The following UNC93B1 variants were observed in gnomAD, a reference collection of about 807,000 sequenced individuals.
UNC93B1 encodes protein unc-93 homolog B1.
Under a neutral mutation model 56.8 loss-of-function variants are expected in UNC93B1, and 33 were observed. That is an observed-to-expected ratio of 0.58 (90% CI 0.44 to 0.78). UNC93B1 has a LOEUF of 0.78. UNC93B1 is among the 30% of genes least tolerant of loss of function. The pLI is 0.00. For synonymous variants in UNC93B1, 334 were observed against 358.6 expected (o/e 0.93, Z 0.77); for missense variants, 673 against 819.5 (o/e 0.82, Z 2.18).
Position 67,991,297 on chromosome 11 carries a change from G to C in UNC93B1, c.*249C>G, listed in dbSNP as rs546017482. 108 of 403,000 alleles carry C rather than the reference G, an allele frequency of 2.7e-4. 1 individual carries two copies. Among genetic ancestry groups the C allele is most frequent in the African/African-American group, 2.2e-3 (106 of 47,974 alleles). 25.0% of individuals were successfully genotyped at this position (403,000 alleles called of 1,614,324 possible). On this transcript the variant is annotated 3_prime_UTR_variant, in exon 11 of 11. Coordinates refer to ENST00000227471, the MANE Select transcript of UNC93B1 (RefSeq NM_030930.4). ...GCGCTGGGGCGCGTGCTAAGGGCCC[G>C]CGGGGTTTCAGCTGTATTTTCGAAC... is the stretch of plus-strand genomic sequence containing the variant.
In UNC93B1 at chr11:67,995,643, A is replaced by G; in HGVS notation, c.1331T>C (p.Val444Ala). The change falls in exon 9 of 11, where the codon GTG becomes GCG. Residue 444 changes from valine to alanine, a missense_variant. Physicochemically the swap from Val to Ala is moderately conservative, Grantham distance 64 (BLOSUM62 0). This residue lies in a region of UNC93B1 where 155 missense variants were observed against 268.3 expected (regional missense o/e 0.58). Coordinates refer to ENST00000227471, the MANE Select transcript of UNC93B1 (RefSeq NM_030930.4). ...TCCAGTCTTGTTCAGGGCACTGCCCACACCCCAAAGGGCAGCTGCCACATA... is the reference window on the plus strand; with the variant it reads ...TCCAGTCTTGTTCAGGGCACTGCCCGCACCCCAAAGGGCAGCTGCCACATA... ...ILYVAAALWG[V>A]GSALNKTGLS... 7.8e-7 allele frequency: 1 copy of G among 1,284,618 alleles called. No homozygotes were observed. The highest frequency in any genetic ancestry group is 1.7e-5 in the African/African-American group (1 of 57,466). 79.6% of individuals were successfully genotyped at this position (1,284,618 alleles called of 1,614,324 possible). A position where few individuals can be genotyped will look rare whatever the true frequency, so the allele number is the denominator to read the frequency against.
intron 3 of UNC93B1, 99 bp from the exon 4 acceptor site, chr11:67,999,779 T>A: frequency 6.8e-7 from 1 of 1,461,224 alleles, no homozygotes; most frequent in Admixed American, 2.2e-5. Flanking sequence ...CTCACAGGGC[T>A]TTGTGAGGTA....
In UNC93B1 at chr11:68,003,561, A is replaced by G; in HGVS notation, c.238+96T>C. The G allele has an allele frequency of 7.1e-7, 1 of 1,409,722 alleles. No individual in the cohort carries two copies. Among genetic ancestry groups the G allele is most frequent in the Non-Finnish European group, 9.3e-7 (1 of 1,074,828 alleles). The allele number at this position is 1,409,722 out of a possible 1,614,324, so 87.3% of individuals were successfully genotyped here. The stretch of plus-strand genomic sequence containing the variant: ...GCAGCTGCGAGGGCAGCGGAGGGGA[A>G]GTGAGAGCGGGCGGGAGGCGGCGGC... On this transcript the variant is annotated intron_variant, in intron 2 of 10. Transcript: ENST00000227471. The surrounding 1 kb of genome is among the most constrained non-coding windows in gnomAD (Gnocchi z 4.4).
At chr11:67,997,987 C>A (rs1856979251) in intron 6 of UNC93B1, among the ~76,000 whole-genome samples, 188 bp from the exon 7 acceptor site, 1 of 152,228 alleles carries the variant, frequency 6.6e-6, no homozygotes, top group South Asian at 2.1e-4. Context: ...ACCACTGGGG[C>A]TGGGTGTTCC....
chr11:68,002,001 G>A (rs183843492), intron 3 of UNC93B1, among the ~76,000 whole-genome samples: 112 of 151,784 alleles, frequency 7.4e-4, no homozygotes, highest in African/African-American at 2.5e-3. Context: ...AAAATTAACC[G>A]GGTGGCAGGC....
chr11:67,997,735 G>C lies in UNC93B1; in HGVS notation c.846C>G (p.Ser282Arg). 1 of 1,609,758 alleles carries C rather than the reference G, an allele frequency of 6.2e-7. No homozygotes were observed. Among genetic ancestry groups the C allele is most frequent in the Non-Finnish European group, 8.5e-7 (1 of 1,179,872 alleles). ...CGCTCTCCACCACAATGAGGTTTCC[G>C]CTCCGCGGGAGCGTCCGCAGAACCG... ...NKTVLRTLPR[S>R]GNLIVVESVL... is the part of the protein sequence containing the mutation. Residue 282 changes from serine (S) to arginine (R), a missense_variant, in exon 7 of 11, where the codon AGC (serine) becomes AGG (arginine). Ser to Arg is a moderately radical substitution (Grantham distance 110). Transcript: ENST00000227471.
chr11:68,001,661 T>G (rs1266909431), intron 3 of UNC93B1, among the ~76,000 whole-genome samples: 1 of 147,344 alleles, frequency 6.8e-6, no homozygotes, highest in Non-Finnish European at 1.5e-5. Context: ...TCTCAAATAA[T>G]AATAATAATA....
At position 67,991,622 on chromosome 11, in the gene UNC93B1, G is replaced by C; in HGVS notation, c.1718C>G (p.Pro573Arg). Reference sequence around the variant, plus strand: ...CCGGCGGCCGAGTCCAGCGGGCTCGGGGCCAGGCCTGGGCCCTGCGGGCGG... The same window carrying C: ...CCGGCGGCCGAGTCCAGCGGGCTCGCGGCCAGGCCTGGGCCCTGCGGGCGG... ...EAPPAGPRPG[P>R]EPAGLGRRPC... The change falls in exon 11 of 11, where the codon CCC becomes CGC. Residue 573 changes from proline to arginine, a missense_variant. By Grantham distance (103) the Pro-to-Arg change is moderately radical. Transcript: ENST00000227471. The C allele has an allele frequency of 6.6e-7, 1 of 1,504,488 alleles. No homozygotes were observed. The highest frequency in any genetic ancestry group is 8.8e-7 in the Non-Finnish European group (1 of 1,135,418). The allele number at this position is 1,504,488 out of a possible 1,614,324, so 93.2% of individuals were successfully genotyped here. A position where few individuals can be genotyped will look rare whatever the true frequency, so the allele number is the denominator to read the frequency against.
chr11:67,996,464 G>A, intron 8 of UNC93B1, 138 bp downstream of exon 8: 1 of 1,231,160 alleles, frequency 8.1e-7, no homozygotes, highest in Non-Finnish European at 1.1e-6. Flanking sequence ...AGAGGGAAGA[G>A]AAAGCAGGAG....
In UNC93B1 at chr11:67,998,360, G is replaced by A. The variant is rs981385444; in HGVS notation, c.780C>T (p.Cys260=). ...CCCCAACCCCCAACAAGGACTAACC[G>A]CAGCTCTGCACATTGTACAGCGTGT... ...LNHTLYNVQS[C]GTNSHGILSG... Residue 260 remains cysteine, a splice_region_variant and synonymous_variant, in exon 6 of 11, where the codon TGC becomes TGT. Coordinates refer to ENST00000227471, the MANE Select transcript of UNC93B1 (RefSeq NM_030930.4). 3.7e-6 allele frequency: 6 copies of A among 1,613,918 alleles called. No individual in the cohort carries two copies. The highest frequency in any genetic ancestry group is 4.2e-6 in the Non-Finnish European group (5 of 1,179,844).
intron 4 of UNC93B1, 29 bp downstream of exon 4, chr11:67,999,490 C>T (rs1334668184): frequency 1.9e-6 from 3 of 1,542,414 alleles, no homozygotes; most frequent in Non-Finnish European, 1.8e-6. Flanking sequence ...AGGTCTCCAG[C>T]CTCCTGCCCT....
Position 68,003,348 on chromosome 11 carries a change from C to G in UNC93B1, c.239-173G>C, listed in dbSNP as rs1857078116. The G allele has an allele frequency of 5.3e-6, 5 of 951,732 alleles. No homozygotes were observed. The South Asian group carries it at 7.4e-5, about 14-fold the overall frequency. The allele number at this position is 951,732 out of a possible 1,614,324, so 59.0% of individuals were successfully genotyped here. Reference sequence around the variant, plus strand: ...CTGCGCCACGCCTTCTGCCAGCCCGCGGCCACTTGGCCAGCTAAGCCCAGA... The same window carrying G: ...CTGCGCCACGCCTTCTGCCAGCCCGGGGCCACTTGGCCAGCTAAGCCCAGA... On this transcript the variant is annotated intron_variant, in intron 2 of 10. Coordinates refer to ENST00000227471, the MANE Select transcript of UNC93B1 (RefSeq NM_030930.4). The surrounding 1 kb of genome is among the most constrained non-coding windows in gnomAD (Gnocchi z 4.4).
Position 68,003,941 on chromosome 11 carries a change from C to A in UNC93B1, c.96+7G>T. On this transcript the variant is annotated splice_region_variant and intron_variant, in intron 1 of 10. Coordinates refer to ENST00000227471, the MANE Select transcript of UNC93B1 (RefSeq NM_030930.4). This position sits in a 1 kb window ranked among gnomAD's most constrained non-coding sequence, Gnocchi z 4.4. The stretch of plus-strand genomic sequence containing the variant: ...GCCCGCGCCTCGCACTCCGGGTCCC[C>A]GCTCACCGGGGCCTCGGGCCCGTCC... 7.3e-7 allele frequency: 1 copy of A among 1,378,820 alleles called. No individual in the cohort carries two copies. Among genetic ancestry groups the A allele is most frequent in the Non-Finnish European group, 9.4e-7 (1 of 1,061,602 alleles). 85.4% of individuals were successfully genotyped at this position (1,378,820 alleles called of 1,614,324 possible).
At chr11:67,995,573 CCCG>C in intron 9 of UNC93B1, 35 bp downstream of exon 9, 1 of 115,762 alleles carries the variant, frequency 8.6e-6, no homozygotes, top group Non-Finnish European at 2.0e-5. Context: ...AGCCCCCTGC[CCCG>C]CCCCCCCCCC....
In UNC93B1 at chr11:68,003,274, C is replaced by T. The variant is rs943592476; in HGVS notation, c.239-99G>A. 1.3e-5 allele frequency: 17 copies of T among 1,330,194 alleles called. 1 individual carries two copies. In the Admixed American group the frequency reaches 2.7e-4, roughly 21 times the overall value. 82.4% of individuals were successfully genotyped at this position (1,330,194 alleles called of 1,614,324 possible). A position where few individuals can be genotyped will look rare whatever the true frequency, so the allele number is the denominator to read the frequency against. On this transcript the variant is annotated intron_variant, in intron 2 of 10. Transcript: ENST00000227471. The surrounding 1 kb of genome is among the most constrained non-coding windows in gnomAD (Gnocchi z 4.4). ...AGGCCTCGCAGGGAGCTCCAATCACCGAAGGCATTCCCGCTGACAGCGCCC... is the reference window on the plus strand; with the variant it reads ...AGGCCTCGCAGGGAGCTCCAATCACTGAAGGCATTCCCGCTGACAGCGCCC...
rs1297771632 is a variant in UNC93B1, at chr11:68,003,652, C to T, written c.238+5G>A. On this transcript the variant is annotated splice_donor_5th_base_variant and intron_variant, in intron 2 of 10. Coordinates refer to ENST00000227471, the MANE Select transcript of UNC93B1 (RefSeq NM_030930.4). The surrounding 1 kb of genome is among the most constrained non-coding windows in gnomAD (Gnocchi z 4.4). ...GGCGGCCCCGGGTCCCCGAGCGGCA[C>T]CTACCCAGGTAGACGCCGTAGGTGA... 1 of 1,521,818 alleles carries T rather than the reference C, an allele frequency of 6.6e-7. No homozygotes were observed. Among genetic ancestry groups the T allele is most frequent in the Non-Finnish European group, 8.8e-7 (1 of 1,140,634 alleles). 94.3% of individuals were successfully genotyped at this position (1,521,818 alleles called of 1,614,324 possible).
chr11:67,999,387 C>G, intron 4 of UNC93B1, 82 bp from the exon 5 acceptor site: 1 of 1,553,694 alleles, frequency 6.4e-7, no homozygotes, highest in South Asian at 1.2e-5. Flanking sequence ...TAGGAGCAGA[C>G]CAGCCCCGGT....
intron 9 of UNC93B1, among the ~76,000 whole-genome samples, chr11:67,994,704 T>C (rs1478889681): frequency 6.6e-6 from 1 of 152,172 alleles, no homozygotes; most frequent in African/African-American, 2.4e-5. Flanking sequence ...CAAGAGACTG[T>C]GGTGCAGTAT....
At chr11:67,992,616 G>C (rs1856863034) in intron 10 of UNC93B1, among the ~76,000 whole-genome samples, 1 of 151,286 alleles carries the variant, frequency 6.6e-6, no homozygotes, top group Non-Finnish European at 1.5e-5. Flanking sequence ...GGGATTACAG[G>C]CGTGAGCCAC....
Sources: gnomAD v4.1 joint callset for allele counts (sites outside exome capture counted in the v4.1 genomes callset) on GRCh38, gnomAD v4.1.1 for gene constraint, gnomAD v4.1.1 regional missense constraint, Gnocchi (gnomAD v3.1) non-coding constraint, MANE v1.5 for transcripts, NCBI Gene and HGNC (gene_info 2026-07-23, HGNC 2026-07-21) for gene names.